F11: variants seen among roughly 807,000 people sequenced by gnomAD.
The protein encoded by F11 is coagualtion factor XI.
F11 carries 78 observed loss-of-function variants against 76.5 expected under a neutral mutation model. The ratio of observed to expected loss-of-function variants is 1.02; its 90% CI spans 0.85 to 1.23. F11 has a LOEUF of 1.23. Among genes scored for constraint, F11 ranks in the 50% most tolerant of loss-of-function variants. The probability of loss-of-function intolerance (pLI) is 0.00; values close to 1 mark genes in which losing one functional copy is unlikely to be tolerated. For missense variants in F11, 742 were observed against 771.4 expected (o/e 0.96, Z 0.45); for synonymous variants, 278 against 276.3 (o/e 1.01, Z -0.06).
At chr4:186,286,961 A>G (rs1201870948) in intron 13 of F11, among the ~76,000 whole-genome samples, 1 of 152,118 alleles carries the variant, frequency 6.6e-6, no homozygotes, top group African/African-American at 2.4e-5. Context: ...AGATTTTTAT[A>G]TAGACATGAG....
chr4:186,269,441 T>G (rs1196450291), intron 2 of F11, among the ~76,000 whole-genome samples: 2 of 152,216 alleles, frequency 1.3e-5, no homozygotes, highest in Non-Finnish European at 2.9e-5. Context: ...TTCTGACACA[T>G]GCTATGACAT....
intron 2 of F11, among the ~76,000 whole-genome samples, chr4:186,267,638 C>G (rs1182062066): frequency 6.6e-6 from 1 of 152,064 alleles, no homozygotes; most frequent in Admixed American, 6.5e-5. Context: ...AATTCTCCAC[C>G]CTATGTCACA....
Position 186,273,123 on chromosome 4 carries a change from A to T in F11, c.271A>T (p.Arg91Trp), listed in dbSNP as rs1348710177. The change falls in exon 4 of 15, where the codon AGG becomes TGG. Residue 91 changes from arginine to tryptophan, a missense_variant. Physicochemically the swap from Arg to Trp is moderately radical, Grantham distance 101. Coordinates refer to ENST00000403665, the MANE Select transcript of F11 (RefSeq NM_000128.4). ...SVTETLPRVN[R>W]TAAISGYSFK... ...TACAGAAACACTGCCAAGAGTGAATAGGACAGCAGCGATTTCTGGGTATTC... is the reference window on the plus strand; with the variant it reads ...TACAGAAACACTGCCAAGAGTGAATTGGACAGCAGCGATTTCTGGGTATTC... 1.2e-6 allele frequency: 2 copies of T among 1,614,000 alleles called. No individual in the cohort carries two copies. The highest frequency in any genetic ancestry group is 1.7e-5 in the Admixed American group (1 of 60,010).
rs374761594 is a variant in F11, at chr4:186,275,800, C to T, written c.499C>T (p.Leu167=). 10 of 1,612,574 alleles carry T rather than the reference C, an allele frequency of 6.2e-6. No homozygotes were observed. The highest frequency in any genetic ancestry group is 8.5e-6 in the Non-Finnish European group (10 of 1,179,052). The part of the protein sequence containing the change: ...PSLEHRNICL[L]KHTQTGTPTR... ...CTTTTTATTCAGTAACATTTGTCTA[C>T]TGAAGCACACCCAAACAGGGACACC... The change falls in exon 6 of 15, where the codon CTG becomes TTG. Residue 167 remains leucine, a synonymous_variant. Transcript: ENST00000403665.
chr4:186,275,819 G>A lies in F11; in HGVS notation c.518G>A (p.Gly173Glu), dbSNP rs771316448. Residue 173 changes from glycine to glutamate, a missense_variant, in exon 6 of 15, where the codon GGG becomes GAG. Physicochemically the swap from Gly to Glu is moderately conservative, Grantham distance 98. Coordinates refer to ENST00000403665, the MANE Select transcript of F11 (RefSeq NM_000128.4). ...TGTCTACTGAAGCACACCCAAACAGGGACACCAACCAGAATAACGAAGCTC... is the reference window on the plus strand; with the variant it reads ...TGTCTACTGAAGCACACCCAAACAGAGACACCAACCAGAATAACGAAGCTC... Reference protein sequence around the residue: ...NICLLKHTQTGTPTRITKLDK... With the variant: ...NICLLKHTQTETPTRITKLDK... 3.7e-6 allele frequency: 6 copies of A among 1,613,448 alleles called. No individual in the cohort carries two copies. In the South Asian group the frequency reaches 6.6e-5, roughly 18 times the overall value.
At position 186,280,555 on chromosome 4, in the gene F11, A is replaced by T; in HGVS notation, c.1110A>T (p.Thr370=). Residue 370 remains threonine, a synonymous_variant, in exon 10 of 15, where the codon ACA becomes ACT. Transcript: ENST00000403665. ...GGAGAGGAGGCATCTCTGGATACAC[A>T]TTAAGGTTGTGTAAAATGGATAATG... ...LHGRGGISGY[T]LRLCKMDNEC... 6.2e-7 allele frequency: 1 copy of T among 1,614,024 alleles called. No individual in the cohort carries two copies. The highest frequency in any genetic ancestry group is 8.5e-7 in the Non-Finnish European group (1 of 1,179,842).
intron 3 of F11, among the ~76,000 whole-genome samples, chr4:186,272,230 A>G (rs2126723147): frequency 6.6e-6 from 1 of 152,330 alleles, no homozygotes; most frequent in Admixed American, 6.5e-5. Context: ...TTGTACAGCA[A>G]TATACAATAT....
intron 2 of F11, among the ~76,000 whole-genome samples, chr4:186,269,607 G>A (rs896933979): frequency 1.3e-5 from 2 of 152,146 alleles, no homozygotes; most frequent in Non-Finnish European, 2.9e-5. Context: ...CCAGGGGAAG[G>A]GCTGAGGGTT....
chr4:186,285,861 A>G, intron 12 of F11, 48 bp downstream of exon 12: 2 of 1,598,050 alleles, frequency 1.3e-6, no homozygotes, highest in African/African-American at 2.7e-5. Flanking sequence ...TGAACTGGAT[A>G]AAATGTTTAA....
At chr4:186,276,123 T>C (rs1740355000) in intron 6 of F11, 108 bp from the exon 7 acceptor site, 18 of 1,316,754 alleles carry the variant, frequency 1.4e-5, no homozygotes, top group Non-Finnish European at 1.6e-5. Flanking sequence ...AATTAAAAGA[T>C]CTTGGGATAC....
Position 186,287,733 on chromosome 4 carries a change from C to A in F11, c.1626C>A (p.Asn542Lys), listed in dbSNP as rs750622854. Reference protein sequence around the residue: ...LQKAKIPLVTNEECQKRYRGH... With the variant: ...LQKAKIPLVTKEECQKRYRGH... The stretch of plus-strand genomic sequence containing the variant: ...AAGCCAAGATACCCTTAGTGACCAA[C>A]GAAGAGTGCCAGAAGAGATACAGAG... The change falls in exon 14 of 15, where the codon AAC becomes AAA. Residue 542 changes from asparagine to lysine, a missense_variant. Asn to Lys is a moderately conservative substitution (Grantham distance 94). Coordinates refer to ENST00000403665, the MANE Select transcript of F11 (RefSeq NM_000128.4). The A allele has an allele frequency of 6.2e-6, 10 of 1,613,216 alleles. No individual in the cohort carries two copies. Among genetic ancestry groups the A allele is most frequent in the Non-Finnish European group, 7.6e-6 (9 of 1,179,740 alleles).
At chr4:186,276,038 T>A (rs1325948581) in intron 6 of F11, 142 bp downstream of exon 6, 1 of 919,262 alleles carries the variant, frequency 1.1e-6, no homozygotes, top group Admixed American at 2.1e-5. Flanking sequence ...GATTTCATCA[T>A]GTCCTATACA....
At chr4:186,267,262 G>T in intron 2 of F11, 71 bp downstream of exon 2, 19 of 923,534 alleles carry the variant, frequency 2.1e-5, no homozygotes, top group Non-Finnish European at 3.1e-5. Context: ...ACATGTGGGA[G>T]AATCCCACAC....
chr4:186,286,244 A>G, intron 12 of F11, 171 bp from the exon 13 acceptor site: 1 of 640,942 alleles, frequency 1.6e-6, no homozygotes, highest in South Asian at 1.7e-5. Context: ...TCATCCTGGC[A>G]CATGTGCGAT....
intron 10 of F11, chr4:186,281,917 C>A: frequency 1.6e-6 from 2 of 1,265,344 alleles, no homozygotes; most frequent in Non-Finnish European, 2.1e-6. Context: ...TCCTAACTAA[C>A]AGACTATGCC....
chr4:186,275,731 T>G, intron 5 of F11, 56 bp from the exon 6 acceptor site: 1 of 1,322,082 alleles, frequency 7.6e-7, no homozygotes, highest in Non-Finnish European at 1.1e-6. Context: ...TATCTCATGT[T>G]TTTTCCTCCT....
chr4:186,275,277 G>A, intron 5 of F11: 3 of 436,138 alleles, frequency 6.9e-6, no homozygotes, highest in Non-Finnish European at 1.4e-5. Flanking sequence ...GATCACCTGA[G>A]GTCAGGAGTT....
In F11 at chr4:186,284,266, T is replaced by C; in HGVS notation, c.1304+6T>C. 2 of 1,609,542 alleles carry C rather than the reference T, an allele frequency of 1.2e-6. No individual in the cohort carries two copies. The highest frequency in any genetic ancestry group is 1.7e-6 in the Non-Finnish European group (2 of 1,176,170). On this transcript the variant is annotated splice_donor_region_variant and intron_variant, in intron 11 of 14. Transcript: ENST00000403665. ...GCCGCTCACTGTTTCTATGGGTCAG[T>C]ACCACGGCTGTTTTTATTAGTTCAT...
intron 12 of F11, 109 bp from the exon 13 acceptor site, chr4:186,286,306 A>G: frequency 1.8e-6 from 2 of 1,085,904 alleles, no homozygotes; most frequent in Non-Finnish European, 2.8e-6. Flanking sequence ...CAAAAAATGA[A>G]TATAGTAAAC....
Sources: allele counts gnomAD v4.1 joint callset (sites outside exome capture counted in the v4.1 genomes callset), GRCh38; gene constraint gnomAD v4.1.1; transcripts MANE v1.5; gene names NCBI Gene and HGNC (gene_info 2026-07-23, HGNC 2026-07-21).